Variants in CDH19 observed in about 807,000 individuals in gnomAD.
CDH19 encodes the protein cadherin-19.
Under a neutral mutation model 64.2 loss-of-function variants are expected in CDH19, and 67 were observed. That is an observed-to-expected ratio of 1.04 (90% CI 0.86 to 1.28). CDH19 has a LOEUF of 1.28. Among genes scored for constraint, CDH19 ranks in the 50% most tolerant of loss-of-function variants. The pLI, the probability that CDH19 is intolerant of heterozygous loss-of-function variation, is 0.00. For synonymous variants in CDH19, 346 were observed against 319.3 expected (o/e 1.08, Z -0.89); for missense variants, 1,030 against 929.0 (o/e 1.11, Z -1.41).
At chr18:66,547,673 T>A (rs1172697530) in intron 5 of CDH19, among the ~76,000 whole-genome samples, 9 of 137,924 alleles carry the variant, frequency 6.5e-5, no homozygotes, top group African/African-American at 2.3e-4. Flanking sequence ...TTTTTTTTTT[T>A]TTTTTTTTTT....
chr18:66,570,252 G>A (rs1988059891), intron 2 of CDH19, among the ~76,000 whole-genome samples: 1 of 151,518 alleles, frequency 6.6e-6, no homozygotes, highest in African/African-American at 2.4e-5. Context: ...GCAAGTATAT[G>A]TGCAGTGTAA....
intron 8 of CDH19, among the ~76,000 whole-genome samples, chr18:66,534,614 A>G (rs952111818): frequency 6.6e-6 from 1 of 151,926 alleles, no homozygotes; most frequent in African/African-American, 2.4e-5. Context: ...TAATTGTATG[A>G]ATAATGGATT....
rs1382849488 is a variant in CDH19 at position 66,604,023 on chromosome 18, A to G, written c.-182T>C. 2.0e-5 allele frequency: 3 copies of G among 152,206 alleles called. No homozygotes were observed. The highest frequency in any genetic ancestry group is 2.1e-4 in the South Asian group (1 of 4,826). The allele number at this position is 152,206 out of a possible 1,614,324, so 9.4% of individuals were successfully genotyped here. A position where few individuals can be genotyped will look rare whatever the true frequency, so the allele number is the denominator to read the frequency against. ...AAACTTCGTGTTGGACACATAAGGA[A>G]GAGTAGGAAAAACTTTCTTCTTTTT... On this transcript the variant is annotated 5_prime_UTR_variant, in exon 1 of 12. Transcript: ENST00000262150.
intron 4 of CDH19, among the ~76,000 whole-genome samples, chr18:66,553,042 T>C (rs116601776): frequency 0.012 from 1,582 of 134,378 alleles, 478 homozygotes; most frequent in African/African-American, 0.05. Flanking sequence ...CCGTGTATTC[T>C]GCCTTGACCA....
Position 66,535,108 on chromosome 18 carries a change from C to T in CDH19, c.1215-1G>A, listed in dbSNP as rs1257347772. The stretch of plus-strand genomic sequence containing the variant: ...CACTTTGCTCCTAGTAATAGAATAC[C>T]TGAACCAAAAGGAAAGTATACCTTA... On this transcript the variant is annotated splice_acceptor_variant, in intron 7 of 11. Coordinates refer to ENST00000262150, the MANE Select transcript of CDH19 (RefSeq NM_021153.4). LOFTEE classifies it high-confidence loss of function. 1.4e-6 allele frequency: 2 copies of T among 1,450,414 alleles called. No homozygotes were observed. Among genetic ancestry groups the T allele is most frequent in the South Asian group, 2.9e-5 (2 of 68,324 alleles). 89.8% of individuals were successfully genotyped at this position (1,450,414 alleles called of 1,614,324 possible).
intron 1 of CDH19, among the ~76,000 whole-genome samples, chr18:66,592,319 G>A (rs920588081): frequency 5.9e-5 from 9 of 151,836 alleles, no homozygotes; most frequent in African/African-American, 2.2e-4. Flanking sequence ...TTCAATGTGT[G>A]ATGATAAAAT....
chr18:66,551,295 T>C, intron 4 of CDH19, 37 bp from the exon 5 acceptor site: 2 of 1,094,250 alleles, frequency 1.8e-6, no homozygotes. Context: ...TATTTCATTA[T>C]TAATCATGAC....
At chr18:66,558,815 A>G in intron 3 of CDH19, among the ~76,000 whole-genome samples, 1 of 152,074 alleles carries the variant, frequency 6.6e-6, no homozygotes, top group Non-Finnish European at 1.5e-5. Context: ...TTAGACAACG[A>G]ATGTTTAATT....
Position 66,530,982 on chromosome 18 carries a change from C to CA in CDH19, c.1337-1017dup, listed in dbSNP as rs1341419295. ...ACGCCGCGTTATCATAATGTTCACA[C>CA]AGCCTCTCACCACAGGTAAGAAGAA... On this transcript the variant is annotated intron_variant, in intron 8 of 11. Transcript: ENST00000262150. Among the ~76,000 whole-genome samples the CA allele has an allele frequency of 4.6e-5, 7 of 152,144 alleles. No individual in the cohort carries two copies. In the South Asian group the frequency reaches 1.0e-3, roughly 23 times the overall value.
chr18:66,600,946 T>C (rs1250655893), intron 1 of CDH19, among the ~76,000 whole-genome samples: 1 of 151,824 alleles, frequency 6.6e-6, no homozygotes, highest in East Asian at 1.9e-4. Flanking sequence ...CGAGTGACAT[T>C]ATAGCCCATT....
chr18:66,543,949 A>G, intron 7 of CDH19, 22 bp downstream of exon 7: 1 of 1,551,406 alleles, frequency 6.4e-7, no homozygotes, highest in African/African-American at 1.4e-5. Context: ...TTATTAATGC[A>G]AAACTGACCT....
rs1985127709 is a variant in CDH19 at position 66,505,159 on chromosome 18, C to G, written c.1972G>C (p.Glu658Gln). ...EEDTEAFDIAELRSSTIMRER... is the reference protein window; with the variant it reads ...EEDTEAFDIAQLRSSTIMRER... ...CGCATTATGGTACTACTCCTCAGCT[C>G]TGCTATATCAAAGGCCTCTGTATCT... Residue 658 changes from glutamate (E) to glutamine (Q), a missense_variant, in exon 12 of 12, where the codon GAG becomes CAG. Glu to Gln is a conservative substitution (Grantham distance 29). Coordinates refer to ENST00000262150, the MANE Select transcript of CDH19 (RefSeq NM_021153.4). The G allele has an allele frequency of 1.9e-6, 3 of 1,613,370 alleles. No individual in the cohort carries two copies. The highest frequency in any genetic ancestry group is 3.3e-5 in the Admixed American group (2 of 59,930).
At chr18:66,566,788 G>A (rs570780440) in intron 3 of CDH19, among the ~76,000 whole-genome samples, 15 of 151,826 alleles carry the variant, frequency 9.9e-5, no homozygotes, top group South Asian at 8.3e-4. Flanking sequence ...TTTGCCAGCC[G>A]ACTGCTTTTT....
At chr18:66,541,924 G>A (rs1986902369) in intron 7 of CDH19, among the ~76,000 whole-genome samples, 1 of 152,028 alleles carries the variant, frequency 6.6e-6, no homozygotes, top group Non-Finnish European at 1.5e-5. Context: ...CATGTAGTAA[G>A]CATGCAATTC....
chr18:66,537,470 T>C (rs771669207), intron 7 of CDH19, among the ~76,000 whole-genome samples: 1 of 152,040 alleles, frequency 6.6e-6, no homozygotes, highest in Non-Finnish European at 1.5e-5. Context: ...ATGGTGATAT[T>C]AACATTGAGA....
At position 66,554,540 on chromosome 18, in the gene CDH19, T is replaced by C. The variant is rs755494694; in HGVS notation, c.491-16A>G. 1.9e-6 allele frequency: 3 copies of C among 1,602,300 alleles called. No individual in the cohort carries two copies. The highest frequency in any genetic ancestry group is 2.6e-6 in the Non-Finnish European group (3 of 1,172,954). ...ACTAATGTTCCTAAAGAGAACATAA[T>C]ACAGGAAATTAAGATTGTGGTTTTA... On this transcript the variant is annotated splice_polypyrimidine_tract_variant and intron_variant, in intron 3 of 11. Coordinates refer to ENST00000262150, the MANE Select transcript of CDH19 (RefSeq NM_021153.4).
intron 1 of CDH19, among the ~76,000 whole-genome samples, chr18:66,600,595 C>A (rs1419858461): frequency 6.6e-6 from 1 of 151,794 alleles, no homozygotes; most frequent in Non-Finnish European, 1.5e-5. Context: ...AATTAAATTT[C>A]ATGTAAGTGG....
At chr18:66,531,306 T>C (rs576756508) in intron 8 of CDH19, among the ~76,000 whole-genome samples, 12 of 152,276 alleles carry the variant, frequency 7.9e-5, no homozygotes, top group African/African-American at 2.6e-4. Context: ...TATGATATTA[T>C]GTGGATTTAT....
In CDH19 at chr18:66,502,318, T is replaced by C. The variant is rs1168254083; in HGVS notation, c.*2494A>G. 3 of 152,048 alleles carry C rather than the reference T, an allele frequency of 2.0e-5. No individual in the cohort carries two copies. Among genetic ancestry groups the C allele is most frequent in the Non-Finnish European group, 4.4e-5 (3 of 67,970 alleles). 9.4% of individuals were successfully genotyped at this position (152,048 alleles called of 1,614,324 possible). A position where few individuals can be genotyped will look rare whatever the true frequency, so the allele number is the denominator to read the frequency against. On this transcript the variant is annotated 3_prime_UTR_variant, in exon 12 of 12. Coordinates refer to ENST00000262150, the MANE Select transcript of CDH19 (RefSeq NM_021153.4). ...GTGTATCCTATGATTGACAATCTTATAATCAACTCAACCAGAATCTATTTT... is the reference window on the plus strand; with the variant it reads ...GTGTATCCTATGATTGACAATCTTACAATCAACTCAACCAGAATCTATTTT...
Sources: allele counts gnomAD v4.1 joint callset (sites outside exome capture counted in the v4.1 genomes callset), GRCh38; gene constraint gnomAD v4.1.1; transcripts MANE v1.5; gene names NCBI Gene and HGNC (gene_info 2026-07-23, HGNC 2026-07-21).